The following CSMD1 variants were observed in gnomAD, a reference collection of about 807,000 sequenced individuals.
CSMD1 encodes CUB and Sushi multiple domains 1, also known as CUB and sushi domain-containing protein 1.
Under a neutral mutation model 417.5 loss-of-function variants are expected in CSMD1, and 213 were observed. The ratio of observed to expected loss-of-function variants is 0.51; its 90% CI spans 0.46 to 0.57. The LOEUF is 0.57. CSMD1 is among the 20% of genes least tolerant of loss of function. The pLI is 0.00. For missense variants in CSMD1, 6,923 were observed against 4,529.7 expected (o/e 1.53, Z -15.17); for synonymous variants, 2,862 against 1,736.8 (o/e 1.65, Z -16.11).
intron 2 of CSMD1, among the ~76,000 whole-genome samples, chr8:4,420,907 TCCTC>T (rs1797215817): frequency 6.6e-6 from 1 of 152,162 alleles, no homozygotes; most frequent in African/African-American, 2.4e-5. Flanking sequence ...CTAGGAGCCC[TCCTC>T]CCTCCCTGTC....
At chr8:2,987,199 G>C (rs1454149724) in intron 54 of CSMD1, among the ~76,000 whole-genome samples, 1 of 151,962 alleles carries the variant, frequency 6.6e-6, no homozygotes, top group African/African-American at 2.4e-5. Context: ...AGAAAGGCAA[G>C]TTAACTCTCT....
chr8:3,413,035 C>G (rs1272385778), intron 12 of CSMD1, among the ~76,000 whole-genome samples: 1 of 152,164 alleles, frequency 6.6e-6, no homozygotes, highest in Non-Finnish European at 1.5e-5. Context: ...CCACTGTGAT[C>G]AATTTAGTCT....
chr8:4,123,136 G>A (rs1021246696), intron 3 of CSMD1, among the ~76,000 whole-genome samples: 2 of 152,234 alleles, frequency 1.3e-5, no homozygotes, highest in African/African-American at 4.8e-5. Flanking sequence ...ATAGGAAGAT[G>A]AAGAATATTT....
intron 2 of CSMD1, among the ~76,000 whole-genome samples, chr8:4,610,259 G>T (rs1801098764): frequency 6.6e-6 from 1 of 152,120 alleles, no homozygotes; most frequent in Non-Finnish European, 1.5e-5. Context: ...GATCAAGTGG[G>T]AAGTTCGTGA....
intron 23 of CSMD1, among the ~76,000 whole-genome samples, chr8:3,317,374 G>T (rs533214209): frequency 6.6e-6 from 1 of 152,118 alleles, no homozygotes; most frequent in Non-Finnish European, 1.5e-5. Context: ...AATAGTAATC[G>T]CAATAATTAC....
intron 2 of CSMD1, among the ~76,000 whole-genome samples, chr8:4,462,477 G>C (rs139602121): frequency 1.6e-4 from 25 of 152,092 alleles, no homozygotes; most frequent in African/African-American, 3.4e-4. Flanking sequence ...GCTTATTTGC[G>C]TACATTAACA....
chr8:4,929,312 C>T (rs1807079350), intron 1 of CSMD1, among the ~76,000 whole-genome samples: 1 of 152,154 alleles, frequency 6.6e-6, no homozygotes, highest in Non-Finnish European at 1.5e-5. Context: ...ATGGGCAACA[C>T]ATTTCTACTC....
At chr8:4,459,914 A>G (rs1230989785) in intron 2 of CSMD1, among the ~76,000 whole-genome samples, 1 of 152,200 alleles carries the variant, frequency 6.6e-6, no homozygotes, top group Admixed American at 6.5e-5. Context: ...CAAATAAACA[A>G]TCAAACAATA....
intron 23 of CSMD1, among the ~76,000 whole-genome samples, chr8:3,328,804 A>C (rs1806703493): frequency 6.6e-6 from 1 of 152,258 alleles, no homozygotes; most frequent in Non-Finnish European, 1.5e-5. Context: ...ATTTTAAATT[A>C]AATTGGGGAA....
intron 1 of CSMD1, among the ~76,000 whole-genome samples, chr8:4,937,630 G>C (rs74512994): frequency 0.034 from 5,249 of 152,276 alleles, 126 homozygotes; most frequent in Non-Finnish European, 0.053. Flanking sequence ...GTATCTGACG[G>C]AGGCATCAAA....
intron 12 of CSMD1, among the ~76,000 whole-genome samples, chr8:3,448,894 A>C (rs1480257383): frequency 6.6e-6 from 1 of 152,232 alleles, no homozygotes; most frequent in East Asian, 1.9e-4. Flanking sequence ...CTATTCCAGA[A>C]GAAGCACCTC....
intron 26 of CSMD1, among the ~76,000 whole-genome samples, chr8:3,281,749 C>T (rs1186525461): frequency 6.6e-6 from 1 of 152,174 alleles, no homozygotes; most frequent in Non-Finnish European, 1.5e-5. Flanking sequence ...GTTATTACTA[C>T]AGATGCATTT....
intron 7 of CSMD1, among the ~76,000 whole-genome samples, chr8:3,622,714 G>A (rs554402122): frequency 1.3e-5 from 2 of 152,306 alleles, no homozygotes; most frequent in East Asian, 3.9e-4. Flanking sequence ...GTTGTTTCGT[G>A]TGATAAACAG....
At chr8:3,762,203 C>G (rs956860027) in intron 5 of CSMD1, among the ~76,000 whole-genome samples, 1 of 152,158 alleles carries the variant, frequency 6.6e-6, no homozygotes, top group Admixed American at 6.5e-5. Context: ...GGGCGCCATG[C>G]AAAGCCCCAT....
At chr8:4,844,403 T>C (rs1273838118) in intron 1 of CSMD1, among the ~76,000 whole-genome samples, 1 of 152,164 alleles carries the variant, frequency 6.6e-6, no homozygotes, top group Non-Finnish European at 1.5e-5. Flanking sequence ...GATCTGAATA[T>C]GGATGCTACA....
intron 3 of CSMD1, among the ~76,000 whole-genome samples, chr8:4,203,334 G>A (rs1799777781): frequency 2.0e-5 from 3 of 152,156 alleles, no homozygotes; most frequent in Admixed American, 6.5e-5. Context: ...AGACCCATCT[G>A]CAGGTTAGAA....
chr8:4,180,707 G>A (rs945629022), intron 3 of CSMD1, among the ~76,000 whole-genome samples: 1 of 152,104 alleles, frequency 6.6e-6, no homozygotes, highest in African/African-American at 2.4e-5. Context: ...GGTTGTCATG[G>A]AACTCACCTT....
At chr8:3,385,442 G>C (rs1037387132) in intron 18 of CSMD1, among the ~76,000 whole-genome samples, 9 of 151,532 alleles carry the variant, frequency 5.9e-5, no homozygotes, top group Non-Finnish European at 1.2e-4. Flanking sequence ...GCCACCTACT[G>C]AACTGATTGT....
At chr8:3,695,087 C>CGTGTGTGTGTGTGTGT (rs1276176981) in intron 7 of CSMD1, among the ~76,000 whole-genome samples, 5,121 of 145,506 alleles carry the variant, frequency 0.035, 111 homozygotes, top group Middle Eastern at 0.075. Context: ...GGAGGCCCTG[C>CGTGTGTGTGTGTGTGT]GTGTGTGTGT....
Sources: gnomAD v4.1 joint callset for allele counts (sites outside exome capture counted in the v4.1 genomes callset) on GRCh38, gnomAD v4.1.1 for gene constraint, MANE v1.5 for transcripts, NCBI Gene and HGNC (gene_info 2026-07-23, HGNC 2026-07-21) for gene names.